The following GABBR2 variants were observed in gnomAD, a reference collection of about 807,000 sequenced individuals.
GABBR2 encodes the protein gamma-aminobutyric acid type B receptor subunit 2.
Under a neutral mutation model 105.6 loss-of-function variants are expected in GABBR2, and 23 were observed. That is an observed-to-expected ratio of 0.22 (90% CI 0.16 to 0.31). The LOEUF (loss-of-function observed/expected upper bound fraction) is 0.31. Among genes scored for constraint, GABBR2 ranks in the 10% least tolerant of loss-of-function variants. The pLI is 1.00. For synonymous variants in GABBR2, 478 were observed against 499.7 expected (o/e 0.96, Z 0.58); for missense variants, 734 against 1,245.5 (o/e 0.59, Z 6.18).
intron 1 of GABBR2, among the ~76,000 whole-genome samples, chr9:98,612,223 AGT>A (rs1829515359): frequency 2.6e-5 from 4 of 152,250 alleles, no homozygotes; most frequent in Non-Finnish European, 5.9e-5. Flanking sequence ...GCACAGATGC[AGT>A]GTGTTTGGTT....
chr9:98,549,596 T>G (rs968175777), intron 2 of GABBR2, among the ~76,000 whole-genome samples: 1 of 152,210 alleles, frequency 6.6e-6, no homozygotes, highest in Non-Finnish European at 1.5e-5. Flanking sequence ...GGTGCTGCCA[T>G]GCCCCTGGGG....
chr9:98,614,606 T>C (rs1441655248), intron 1 of GABBR2, among the ~76,000 whole-genome samples: 2 of 152,218 alleles, frequency 1.3e-5, no homozygotes, highest in African/African-American at 2.4e-5. Flanking sequence ...ATGTTATATA[T>C]AGTATGATGT....
intron 1 of GABBR2, among the ~76,000 whole-genome samples, chr9:98,588,010 G>A (rs1297217954): frequency 1.3e-5 from 2 of 152,156 alleles, no homozygotes; most frequent in African/African-American, 4.8e-5. Context: ...AAGGTTATGA[G>A]ATTTCAGTGG....
intron 13 of GABBR2, among the ~76,000 whole-genome samples, chr9:98,342,945 T>A (rs1016398547): frequency 1.3e-5 from 2 of 152,228 alleles, no homozygotes; most frequent in Non-Finnish European, 2.9e-5. Context: ...GATTGACTTT[T>A]TTTCCCCCCA....
intron 13 of GABBR2, among the ~76,000 whole-genome samples, chr9:98,315,659 C>T (rs969001270): frequency 6.6e-6 from 1 of 152,228 alleles, no homozygotes; most frequent in African/African-American, 2.4e-5. Context: ...GGCTACCCAC[C>T]CCCCAACCCC....
At chr9:98,477,605 A>T (rs1027432752) in intron 5 of GABBR2, among the ~76,000 whole-genome samples, 1 of 152,166 alleles carries the variant, frequency 6.6e-6, no homozygotes, top group South Asian at 2.1e-4. Context: ...ATTGCATGAG[A>T]GTGGGCCATC....
chr9:98,347,350 A>T lies in GABBR2; in HGVS notation c.1893+15365T>A, dbSNP rs1269154925. Among the ~76,000 whole-genome samples, 4 of 152,272 alleles carry T rather than the reference A, an allele frequency of 2.6e-5. 1 individual carries two copies. The South Asian group carries it at 6.2e-4, about 24-fold the overall frequency. On this transcript the variant is annotated intron_variant, in intron 13 of 18. Transcript: ENST00000259455. ...AATTAGTGATGGTGAACACTTTTTC[A>T]TGTATTTGTTGGCTATTTGTATGTC...
intron 13 of GABBR2, among the ~76,000 whole-genome samples, chr9:98,320,075 T>C (rs920927688): frequency 1.1e-3 from 163 of 151,842 alleles, no homozygotes; most frequent in Non-Finnish European, 2.4e-4. Flanking sequence ...CGCAACCTAC[T>C]CATCTGACAA....
chr9:98,298,025 G>A lies in GABBR2; in HGVS notation c.2542+1199C>T, dbSNP rs1830409733. 5.6e-5 allele frequency among the ~76,000 whole-genome samples: 8 copies of A among 142,526 alleles called. No individual in the cohort carries two copies. In the South Asian group the frequency reaches 1.8e-3, roughly 32 times the overall value. 93.5% of individuals were successfully genotyped at this position (142,526 alleles called of 152,430 possible). ...CCACTGCACTCCAGCCTGGGTGACA[G>A]AGTGAGACTCCATCTTAAAAAAAAA... On this transcript the variant is annotated intron_variant, in intron 17 of 18. Transcript: ENST00000259455.
At chr9:98,647,822 T>C (rs1315582132) in intron 1 of GABBR2, among the ~76,000 whole-genome samples, 2 of 152,200 alleles carry the variant, frequency 1.3e-5, no homozygotes, top group African/African-American at 4.8e-5. Context: ...TTTGACCTCA[T>C]TACCTCGAGC....
At chr9:98,553,851 C>T (rs1264648518) in intron 2 of GABBR2, among the ~76,000 whole-genome samples, 2 of 152,196 alleles carry the variant, frequency 1.3e-5, no homozygotes, top group Non-Finnish European at 2.9e-5. Flanking sequence ...AGCAGGGAGA[C>T]TAATGTCACA....
At chr9:98,587,756 C>T (rs900255335) in intron 1 of GABBR2, among the ~76,000 whole-genome samples, 19 of 152,172 alleles carry the variant, frequency 1.2e-4, no homozygotes, top group African/African-American at 4.6e-4. Flanking sequence ...CACTGCTTTT[C>T]ATAATCTTTT....
intron 13 of GABBR2, among the ~76,000 whole-genome samples, chr9:98,340,319 T>C (rs148097319): frequency 7.2e-5 from 11 of 152,154 alleles, no homozygotes; most frequent in Middle Eastern, 3.4e-3. Flanking sequence ...TTAAGTCCAG[T>C]GTCTCAGCAC....
chr9:98,451,380 C>G (rs1038409508), intron 7 of GABBR2, among the ~76,000 whole-genome samples: 1 of 152,192 alleles, frequency 6.6e-6, no homozygotes, highest in South Asian at 2.1e-4. Flanking sequence ...AAGTTTCCAG[C>G]CTGAATCTAG....
intron 1 of GABBR2, among the ~76,000 whole-genome samples, chr9:98,681,203 CA>C (rs1182355059): frequency 2.0e-5 from 3 of 146,368 alleles, no homozygotes; most frequent in Non-Finnish European, 4.5e-5. Flanking sequence ...AAATGTCCAA[CA>C]ACGATAGACT....
intron 13 of GABBR2, among the ~76,000 whole-genome samples, chr9:98,324,135 C>T (rs759455778): frequency 9.2e-5 from 14 of 152,160 alleles, no homozygotes; most frequent in Non-Finnish European, 1.9e-4. Flanking sequence ...ACTGCAGGCT[C>T]AGGGCCCTGT....
intron 3 of GABBR2, among the ~76,000 whole-genome samples, chr9:98,502,040 G>T (rs1039832588): frequency 6.6e-6 from 1 of 152,138 alleles, no homozygotes; most frequent in African/African-American, 2.4e-5. Flanking sequence ...CCATCACAAT[G>T]GCTTCGTTCC....
chr9:98,611,149 C>T (rs913374757), intron 1 of GABBR2, among the ~76,000 whole-genome samples: 3 of 152,172 alleles, frequency 2.0e-5, no homozygotes, highest in Non-Finnish European at 4.4e-5. Context: ...CTACTTCCAC[C>T]CAACAATGGG....
At chr9:98,624,060 C>T (rs1310441036) in intron 1 of GABBR2, among the ~76,000 whole-genome samples, 3 of 152,330 alleles carry the variant, frequency 2.0e-5, no homozygotes, top group Admixed American at 2.0e-4. Context: ...GTGAGGTCAC[C>T]TGGCAGGTGC....
Sources: gnomAD v4.1 joint callset for allele counts (sites outside exome capture counted in the v4.1 genomes callset) on GRCh38, gnomAD v4.1.1 for gene constraint, MANE v1.5 for transcripts, NCBI Gene and HGNC (gene_info 2026-07-23, HGNC 2026-07-21) for gene names.